Variants in PTGES3 observed in about 807,000 individuals in gnomAD.
PTGES3 encodes Hsp90 co-chaperone.
A neutral mutation model predicts 29.9 loss-of-function variants in PTGES3; 5 were observed. That is an observed-to-expected ratio of 0.17 (90% CI 0.09 to 0.35). PTGES3 has a LOEUF of 0.35. Among genes scored for constraint, PTGES3 ranks in the 10% least tolerant of loss-of-function variants. The pLI, the probability that PTGES3 is intolerant of heterozygous loss-of-function variation, is 1.00. For synonymous variants in PTGES3, 49 were observed against 57.8 expected, an observed-to-expected ratio of 0.85 and a Z score of 0.69; for missense variants, 128 against 190.0, an observed-to-expected ratio of 0.67 and a Z score of 1.92.
chr12:56,686,823 T>C (rs1952885737), intron 1 of PTGES3: 4 of 398,280 alleles, frequency 1.0e-5, no homozygotes, highest in African/African-American at 2.1e-5. Flanking sequence ...CTAGCCAATA[T>C]ACTCAGCCTC....
At chr12:56,669,175 A>AT (rs1382142894) in intron 5 of PTGES3, among the ~76,000 whole-genome samples, 1 of 150,578 alleles carries the variant, frequency 6.6e-6, no homozygotes. Flanking sequence ...ACGCCTAGCT[A>AT]TTTTTTTGTA....
At chr12:56,672,665 C>T (rs2137627430) in intron 3 of PTGES3, 75 bp downstream of exon 3, 1 of 1,434,788 alleles carries the variant, frequency 7.0e-7, no homozygotes, top group African/African-American at 1.4e-5. Context: ...AACTAATGCT[C>T]ATTGCTAAAA....
intron 1 of PTGES3, among the ~76,000 whole-genome samples, chr12:56,674,909 C>T (rs576885659): frequency 7.7e-6 from 1 of 130,328 alleles, no homozygotes; most frequent in Non-Finnish European, 1.5e-5. Flanking sequence ...GAGGCTGAGT[C>T]AGGAGAATCG....
intron 1 of PTGES3, chr12:56,686,777 T>C (rs1952883929): frequency 2.5e-6 from 1 of 397,942 alleles, no homozygotes; most frequent in African/African-American, 2.1e-5. Flanking sequence ...TTCCCAGTGA[T>C]AAACTCGCTT....
At chr12:56,671,869 T>C in intron 3 of PTGES3, 22 bp from the exon 4 acceptor site, 8 of 1,405,258 alleles carry the variant, frequency 5.7e-6, no homozygotes, top group Non-Finnish European at 6.8e-6. Flanking sequence ...AGGACCATCA[T>C]ACCATTTATC....
chr12:56,665,279 T>C (rs1170046971), intron 6 of PTGES3: 1 of 959,228 alleles, frequency 1.0e-6, no homozygotes, highest in Admixed American at 6.8e-5. Flanking sequence ...ATTTCCAATG[T>C]CCATCTTTTT....
intron 1 of PTGES3, among the ~76,000 whole-genome samples, chr12:56,679,551 C>G (rs1180439246): frequency 2.0e-5 from 3 of 151,516 alleles, no homozygotes; most frequent in East Asian, 3.9e-4. Flanking sequence ...AATGAATTAA[C>G]AGTCTTACAC....
At chr12:56,680,008 T>C (rs1441800069) in intron 1 of PTGES3, among the ~76,000 whole-genome samples, 1 of 151,942 alleles carries the variant, frequency 6.6e-6, no homozygotes, top group Non-Finnish European at 1.5e-5. Flanking sequence ...AAAGAGATGG[T>C]GTAATCCTCA....
At chr12:56,680,344 G>C (rs904382614) in intron 1 of PTGES3, among the ~76,000 whole-genome samples, 1 of 151,668 alleles carries the variant, frequency 6.6e-6, no homozygotes, top group Non-Finnish European at 1.5e-5. Context: ...CAAAGTGGTG[G>C]GATTATAGGT....
intron 6 of PTGES3, chr12:56,665,229 G>T: frequency 1.0e-6 from 1 of 983,616 alleles, no homozygotes; most frequent in Non-Finnish European, 1.2e-6. Flanking sequence ...GGGTTGGAAA[G>T]ATGTTGAGAA....
chr12:56,671,872 C>T, intron 3 of PTGES3, 25 bp from the exon 4 acceptor site: 1 of 1,375,482 alleles, frequency 7.3e-7, no homozygotes, highest in Non-Finnish European at 1.0e-6. Context: ...ACCATCATAC[C>T]ATTTATCTTT....
intron 1 of PTGES3, among the ~76,000 whole-genome samples, chr12:56,680,184 G>A (rs1250918244): frequency 6.6e-6 from 1 of 150,396 alleles, no homozygotes; most frequent in Non-Finnish European, 1.5e-5. Context: ...TGATCCTCCT[G>A]CCTCAGCCTC....
rs528393211 is a variant in PTGES3, at chr12:56,687,682, C to T, written c.2+316G>A. 4.2e-4 allele frequency: 532 copies of T among 1,275,576 alleles called. No individual in the cohort carries two copies. The African/African-American group carries it at 6.7e-3, about 16-fold the overall frequency. The allele number at this position is 1,275,576 out of a possible 1,614,324, so 79.0% of individuals were successfully genotyped here. A position where few individuals can be genotyped will look rare whatever the true frequency, so the allele number is the denominator to read the frequency against. The stretch of plus-strand genomic sequence containing the variant: ...ACGCTTCAGGGCGCCGCATGGCGAG[C>T]AGCTACCGGGAGCTTAAGGCCTAGG... On this transcript the variant is annotated intron_variant, in intron 1 of 7. Transcript: ENST00000262033.
intron 1 of PTGES3, among the ~76,000 whole-genome samples, chr12:56,675,918 G>A (rs769714524): frequency 1.9e-4 from 29 of 151,870 alleles, no homozygotes; most frequent in Admixed American, 3.3e-4. Flanking sequence ...GTGAAACTCC[G>A]TCTCAAAACA....
rs71081388 is a variant in PTGES3, at chr12:56,683,473, C to CAAAAAAAAAAAAAAAAAAAAAAAA, written c.2+4501_2+4524dup. 2.7e-4 allele frequency among the ~76,000 whole-genome samples: 8 copies of CAAAAAAAAAAAAAAAAAAAAAAAA among 29,760 alleles called. 1 individual carries two copies. Among genetic ancestry groups the CAAAAAAAAAAAAAAAAAAAAAAAA allele is most frequent in the East Asian group, 1.7e-3 (1 of 584 alleles). 19.5% of individuals were successfully genotyped at this position (29,760 alleles called of 152,430 possible). A position where few individuals can be genotyped will look rare whatever the true frequency, so the allele number is the denominator to read the frequency against. On this transcript the variant is annotated intron_variant, in intron 1 of 7. Transcript: ENST00000262033. ...GGGCAACAAGAGAGAAACTCTGTCT[C>CAAAAAAAAAAAAAAAAAAAAAAAA]AAAAAAAAAAAAAAAAAAAAAAAAA... is the stretch of plus-strand genomic sequence containing the variant.
intron 1 of PTGES3, among the ~76,000 whole-genome samples, chr12:56,683,957 C>CAAAAAAAAA (rs11386164): frequency 9.1e-6 from 1 of 109,324 alleles, no homozygotes; most frequent in African/African-American, 4.4e-5. Context: ...AACTCCGTCT[C>CAAAAAAAAA]AAAAAAAAAA....
At chr12:56,673,379 C>T (rs1253505596) in intron 1 of PTGES3, among the ~76,000 whole-genome samples, 1 of 150,146 alleles carries the variant, frequency 6.7e-6, no homozygotes, top group African/African-American at 2.5e-5. Flanking sequence ...CCTGTAATCC[C>T]AGCACTTTGG....
intron 6 of PTGES3, chr12:56,665,022 T>C (rs969979146): frequency 3.0e-4 from 295 of 985,320 alleles, no homozygotes; most frequent in Non-Finnish European, 3.5e-4. Flanking sequence ...TGTGTGCCTT[T>C]TGGTGACAAT....
In PTGES3 at chr12:56,673,789, C is replaced by CAA. The variant is rs57371154; in HGVS notation, c.3-726_3-725dup. Among the ~76,000 whole-genome samples the CAA allele has an allele frequency of 9.6e-3, 889 of 92,288 alleles. 10 individuals carry two copies. The highest frequency in any genetic ancestry group is 0.029 in the Middle Eastern group (6 of 208). The allele number at this position is 92,288 out of a possible 152,430, so 60.5% of individuals were successfully genotyped here. On this transcript the variant is annotated intron_variant, in intron 1 of 7. Coordinates refer to ENST00000262033, the MANE Select transcript of PTGES3 (RefSeq NM_006601.7). ...GCCTGGCAACAGAGCGAGACTGTCT[C>CAA]AAAAAAAAAAAAAAAAAAAAAAAAT...
Sources: allele counts gnomAD v4.1 joint callset (sites outside exome capture counted in the v4.1 genomes callset), GRCh38; gene constraint gnomAD v4.1.1; transcripts MANE v1.5; gene names NCBI Gene and HGNC (gene_info 2026-07-23, HGNC 2026-07-21).